The following NT5C2 variants were observed in gnomAD, a reference collection of about 807,000 sequenced individuals.
NT5C2 encodes the protein 5'-nucleotidase, cytosolic II, also known as cytosolic purine 5'-nucleotidase.
A neutral mutation model predicts 76.1 loss-of-function variants in NT5C2; 58 were observed. The observed-to-expected ratio is 0.76, with a 90% CI of 0.62 to 0.95. The LOEUF is 0.95. NT5C2 is among the 40% of genes least tolerant of loss of function. The pLI is 0.00. For synonymous variants in NT5C2, 229 were observed against 237.4 expected (o/e 0.96, Z 0.32); for missense variants, 478 against 690.3 (o/e 0.69, Z 3.45).
chr10:103,136,591 G>A (rs2079295717), intron 4 of NT5C2, among the ~76,000 whole-genome samples: 1 of 151,658 alleles, frequency 6.6e-6, no homozygotes, highest in African/African-American at 2.4e-5. Flanking sequence ...GAAATCATAA[G>A]GTGCATTAAA....
At chr10:103,189,498 C>G (rs920301419) in intron 1 of NT5C2, among the ~76,000 whole-genome samples, 1 of 149,820 alleles carries the variant, frequency 6.7e-6, no homozygotes, top group Non-Finnish European at 1.5e-5. Context: ...CCTAGCTACT[C>G]GGTAGGCTGA....
chr10:103,129,266 C>T (rs1351721209), intron 4 of NT5C2, among the ~76,000 whole-genome samples: 5 of 110,978 alleles, frequency 4.5e-5, no homozygotes, highest in Middle Eastern at 6.5e-3. Context: ...GTCAGCCCCC[C>T]ACCCGGCCAG....
At chr10:103,146,398 C>A in intron 3 of NT5C2, 1 of 985,352 alleles carries the variant, frequency 1.0e-6, no homozygotes, top group Non-Finnish European at 1.2e-6. Flanking sequence ...ACTAAGGATT[C>A]AAGTATAAAA....
rs1027416291 is a variant in NT5C2, at chr10:103,189,679, T to G, written c.-169+3557A>C. Among the ~76,000 whole-genome samples the G allele has an allele frequency of 7.4e-4, 112 of 151,402 alleles. 2 individuals carry two copies. Among genetic ancestry groups the G allele is most frequent in the Non-Finnish European group, 2.1e-4 (14 of 67,840 alleles). On this transcript the variant is annotated intron_variant, in intron 1 of 18. Transcript: ENST00000404739. ...TTAACTTTTTTCTTTTACTGTTTACTGAATTTTTTTTTTTTGAGATGCTCT... is the reference window on the plus strand; with the variant it reads ...TTAACTTTTTTCTTTTACTGTTTACGGAATTTTTTTTTTTTGAGATGCTCT...
At chr10:103,126,616 C>T (rs145639018) in intron 4 of NT5C2, among the ~76,000 whole-genome samples, 3 of 152,106 alleles carry the variant, frequency 2.0e-5, no homozygotes, top group East Asian at 1.9e-4. Flanking sequence ...AGCGAGACTC[C>T]GTCTAAAAAA....
intron 3 of NT5C2, 65 bp from the exon 4 acceptor site, chr10:103,139,544 T>C: frequency 8.8e-7 from 1 of 1,136,414 alleles, no homozygotes; most frequent in East Asian, 2.6e-5. Flanking sequence ...TTAATAAAGT[T>C]ATTTGGCTAT....
At chr10:103,156,876 T>G (rs2083521938) in intron 3 of NT5C2, among the ~76,000 whole-genome samples, 1 of 149,420 alleles carries the variant, frequency 6.7e-6, no homozygotes, top group African/African-American at 2.5e-5. Flanking sequence ...GCTAGCACAG[T>G]GAAATCCCAT....
Position 103,144,706 on chromosome 10 carries a change from A to G in NT5C2, c.102-5227T>C, listed in dbSNP as rs137965223. ...TTAACCTAGTCACATTAACTATTCA[A>G]TCAACACATTCATTGTCTACTACAA... On this transcript the variant is annotated intron_variant, in intron 3 of 18. Coordinates refer to ENST00000404739, the MANE Select transcript of NT5C2 (RefSeq NM_001351169.2). 5.9e-3 allele frequency among the ~76,000 whole-genome samples: 905 copies of G among 152,306 alleles called. 9 individuals are homozygous for G. Among genetic ancestry groups the G allele is most frequent in the African/African-American group, 0.02 (848 of 41,570 alleles).
intron 8 of NT5C2, chr10:103,100,703 T>TG (rs1564957983): frequency 8.0e-6 from 4 of 502,528 alleles, no homozygotes; most frequent in South Asian, 1.5e-5. Context: ...TGAAATGAGT[T>TG]GGGGGGTTTT....
intron 4 of NT5C2, among the ~76,000 whole-genome samples, chr10:103,115,547 A>C (rs7908960): frequency 0.023 from 3,493 of 152,358 alleles, 83 homozygotes; most frequent in South Asian, 0.12. Flanking sequence ...AATTGGCAAT[A>C]AAAAGTAAAG....
At chr10:103,146,102 CA>C (rs1166272300) in intron 3 of NT5C2, 15 of 985,282 alleles carry the variant, frequency 1.5e-5, no homozygotes, top group Non-Finnish European at 1.7e-5. Flanking sequence ...AGTCACATAA[CA>C]AAATTCTTCG....
In NT5C2 at chr10:103,089,837, C is replaced by G; in HGVS notation, c.1521G>C (p.Arg507=). ...INEMESPLAT[R]NRTSVDFKDT... is the part of the protein sequence containing the mutation. ...CTTTGAAATCCACTGATGTGCGGTTCCGGGTGGCAAGAGGAGACTCCATCT... is the reference window on the plus strand; with the variant it reads ...CTTTGAAATCCACTGATGTGCGGTTGCGGGTGGCAAGAGGAGACTCCATCT... The change falls in exon 19 of 19, where the codon CGG becomes CGC. Residue 507 remains arginine, a synonymous_variant. Coordinates refer to ENST00000404739, the MANE Select transcript of NT5C2 (RefSeq NM_001351169.2). 1.9e-6 allele frequency: 3 copies of G among 1,614,040 alleles called. No homozygotes were observed. Among genetic ancestry groups the G allele is most frequent in the Non-Finnish European group, 2.5e-6 (3 of 1,180,004 alleles).
intron 6 of NT5C2, among the ~76,000 whole-genome samples, chr10:103,102,927 G>C (rs995045445): frequency 6.6e-6 from 1 of 151,674 alleles, no homozygotes; most frequent in African/African-American, 2.4e-5. Flanking sequence ...AAGTATTAGA[G>C]GAGATGAAAC....
At chr10:103,120,164 G>A (rs1050895763) in intron 4 of NT5C2, among the ~76,000 whole-genome samples, 19 of 151,892 alleles carry the variant, frequency 1.3e-4, no homozygotes, top group African/African-American at 4.1e-4. Flanking sequence ...AAATGTAGGA[G>A]TTAAAACTAT....
intron 4 of NT5C2, among the ~76,000 whole-genome samples, chr10:103,136,185 T>C (rs777041663): frequency 1.3e-5 from 2 of 152,230 alleles, no homozygotes; most frequent in African/African-American, 2.4e-5. Flanking sequence ...TCTATTCATA[T>C]GAAAATCTCG....
chr10:103,152,755 T>C (rs948315786), intron 3 of NT5C2, among the ~76,000 whole-genome samples: 1 of 152,158 alleles, frequency 6.6e-6, no homozygotes, highest in Non-Finnish European at 1.5e-5. Context: ...ATTCAGACTC[T>C]GAAGCATAAG....
Position 103,166,053 on chromosome 10 carries a change from G to A in NT5C2, c.101+8805C>T, listed in dbSNP as rs556067468. Among the ~76,000 whole-genome samples, 43 of 152,372 alleles carry A rather than the reference G, an allele frequency of 2.8e-4. No individual in the cohort carries two copies. In the East Asian group the frequency reaches 7.9e-3, roughly 28 times the overall value. On this transcript the variant is annotated intron_variant, in intron 3 of 18. Transcript: ENST00000404739. ...GCAGTTGAGTAAGAAATGATACAGA[G>A]ATTTCATGAACCCTTCACACAGTGT...
At chr10:103,106,370 T>G (rs1031943046) in intron 5 of NT5C2, among the ~76,000 whole-genome samples, 1 of 152,190 alleles carries the variant, frequency 6.6e-6, no homozygotes, top group African/African-American at 2.4e-5. Context: ...CTTCCTCAGT[T>G]GCAATAAACT....
intron 3 of NT5C2, among the ~76,000 whole-genome samples, chr10:103,158,361 G>A (rs2083931291): frequency 1.3e-5 from 2 of 151,666 alleles, no homozygotes; most frequent in South Asian, 4.2e-4. Context: ...CAAACAGAAG[G>A]ACAGAAATAA....
Sources: allele counts gnomAD v4.1 joint callset (sites outside exome capture counted in the v4.1 genomes callset), GRCh38; gene constraint gnomAD v4.1.1; transcripts MANE v1.5; gene names NCBI Gene and HGNC (gene_info 2026-07-23, HGNC 2026-07-21).